ACACA: variants seen among roughly 807,000 people sequenced by gnomAD.
ACACA encodes the protein acetyl-CoA carboxylase 1.
Under a neutral mutation model 296.1 loss-of-function variants are expected in ACACA, and 103 were observed. That is an observed-to-expected ratio of 0.35 (90% confidence interval 0.30 to 0.41). The LOEUF is 0.41. ACACA is among the 10% of genes least tolerant of loss of function. ACACA has a pLI of 1.00. For synonymous variants in ACACA, 953 were observed against 1,038.6 expected (o/e 0.92, Z 1.58); for missense variants, 1,554 against 2,989.7 (o/e 0.52, Z 11.20).
intron 1 of ACACA, among the ~76,000 whole-genome samples, chr17:37,390,175 T>TATATATATATATATACAC (rs60788220): frequency 8.8e-4 from 39 of 44,480 alleles, no homozygotes; most frequent in East Asian, 1.3e-3. Flanking sequence ...TATATATATA[T>TATATATATATATATACAC]ACACACACAC....
intron 10 of ACACA, among the ~76,000 whole-genome samples, chr17:37,268,699 ATATATC>A (rs1427903995): frequency 1.4e-5 from 2 of 147,552 alleles, no homozygotes; most frequent in African/African-American, 5.0e-5. Context: ...GTAAAATGTA[ATATATC>A]TATATCTATA....
chr17:37,341,865 T>C (rs1352777055), intron 1 of ACACA, among the ~76,000 whole-genome samples: 1 of 152,032 alleles, frequency 6.6e-6, no homozygotes, highest in African/African-American at 2.4e-5. Flanking sequence ...TTGACAAAAA[T>C]GTACCCTCAT....
At chr17:37,259,561 A>G (rs1419686636) in intron 11 of ACACA, 31 bp from the exon 12 acceptor site, 1 of 1,613,094 alleles carries the variant, frequency 6.2e-7, no homozygotes, top group South Asian at 1.1e-5. Flanking sequence ...AAACATAAGT[A>G]TCTCACCTTA....
At chr17:37,153,046 GA>G (rs2144191974) in intron 43 of ACACA, among the ~76,000 whole-genome samples, 1 of 152,276 alleles carries the variant, frequency 6.6e-6, no homozygotes, top group East Asian at 1.9e-4. Flanking sequence ...AGTTATGTCA[GA>G]AATGAGGCTA....
At chr17:37,135,744 G>A (rs1472354874) in intron 45 of ACACA, among the ~76,000 whole-genome samples, 1 of 152,132 alleles carries the variant, frequency 6.6e-6, no homozygotes, top group African/African-American at 2.4e-5. Context: ...CATTTGTAAT[G>A]TAAAAGATAG....
At chr17:37,317,765 A>T (rs1452255821) in intron 3 of ACACA, among the ~76,000 whole-genome samples, 1 of 152,228 alleles carries the variant, frequency 6.6e-6, no homozygotes, top group Admixed American at 6.5e-5. Context: ...CCTTACTTAC[A>T]ACATTCATAA....
intron 3 of ACACA, among the ~76,000 whole-genome samples, chr17:37,315,722 AG>A (rs1487205931): frequency 6.6e-6 from 1 of 152,210 alleles, no homozygotes; most frequent in Admixed American, 6.5e-5. Context: ...GTATGGGGGA[AG>A]GGGCACAGAA....
chr17:37,356,387 T>C (rs1161062359), intron 1 of ACACA, among the ~76,000 whole-genome samples: 1 of 152,020 alleles, frequency 6.6e-6, no homozygotes, highest in Non-Finnish European at 1.5e-5. Flanking sequence ...ATTATTATTA[T>C]TATTTTTTTG....
At chr17:37,376,066 C>T in intron 1 of ACACA, 2 of 1,598,668 alleles carry the variant, frequency 1.3e-6, no homozygotes, top group African/African-American at 1.3e-5. Flanking sequence ...AGTGGTCTGT[C>T]TGCAATGAGC....
chr17:37,380,754 T>C (rs2050213121), intron 1 of ACACA, among the ~76,000 whole-genome samples: 1 of 152,010 alleles, frequency 6.6e-6, no homozygotes, highest in Admixed American at 6.6e-5. Flanking sequence ...TCTGCCACCA[T>C]GGCTGGCTAA....
intron 29 of ACACA, 96 bp from the exon 30 acceptor site, chr17:37,210,586 C>T (rs1567818763): frequency 3.5e-6 from 4 of 1,152,782 alleles, no homozygotes; most frequent in Non-Finnish European, 5.2e-6. Context: ...TGAGGAGCTC[C>T]AGTTTGGCAG....
intron 3 of ACACA, among the ~76,000 whole-genome samples, chr17:37,286,056 A>C (rs2082754717): frequency 6.6e-6 from 1 of 151,890 alleles, no homozygotes; most frequent in Admixed American, 6.6e-5. Flanking sequence ...CACCTGGCTA[A>C]TTTTTGTATT....
chr17:37,227,777 G>A (rs970488396), intron 25 of ACACA, among the ~76,000 whole-genome samples: 1 of 150,786 alleles, frequency 6.6e-6, no homozygotes, highest in South Asian at 2.1e-4. Flanking sequence ...GGAGAATGGC[G>A]TGAACCCGGG....
chr17:37,099,257 A>AC (rs1462166148), intron 52 of ACACA, among the ~76,000 whole-genome samples: 7 of 152,150 alleles, frequency 4.6e-5, no homozygotes, highest in East Asian at 1.9e-4. Flanking sequence ...TGGATGCCCA[A>AC]CTCTACCTCT....
chr17:37,253,039 G>A lies in ACACA; in HGVS notation c.1827-3C>T. On this transcript the variant is annotated splice_region_variant and splice_polypyrimidine_tract_variant and intron_variant, in intron 14 of 55. Coordinates refer to ENST00000616317, the MANE Select transcript of ACACA (RefSeq NM_198834.3). ...CCTTCAAAGCCACCACCATGTTTCTGGGAGAACAGAAGCCAATCTGTTTCA... is the reference window on the plus strand; with the variant it reads ...CCTTCAAAGCCACCACCATGTTTCTAGGAGAACAGAAGCCAATCTGTTTCA... 10 of 1,614,172 alleles carry A rather than the reference G, an allele frequency of 6.2e-6. No homozygotes were observed. The highest frequency in any genetic ancestry group is 8.5e-6 in the Non-Finnish European group (10 of 1,180,038).
intron 42 of ACACA, among the ~76,000 whole-genome samples, chr17:37,156,998 G>A (rs1264030849): frequency 6.6e-6 from 1 of 152,056 alleles, no homozygotes; most frequent in African/African-American, 2.4e-5. Context: ...GGAAAAACAG[G>A]AATTAACAAA....
intron 5 of ACACA, among the ~76,000 whole-genome samples, chr17:37,281,635 A>C (rs2082540099): frequency 6.6e-6 from 1 of 152,176 alleles, no homozygotes; most frequent in African/African-American, 2.4e-5. Flanking sequence ...TGGGAGGCCA[A>C]GGCAGGTGGA....
rs560736183 is a variant in ACACA at position 37,254,876 on chromosome 17, A to G, written c.1827-1840T>C. On this transcript the variant is annotated intron_variant, in intron 14 of 55. Coordinates refer to ENST00000616317, the MANE Select transcript of ACACA (RefSeq NM_198834.3). ...CGGGCACTCCATGTCAGAAAAAAAA[A>G]AAAAAGAATAAATGAATGAACAGAG... Among the ~76,000 whole-genome samples, 4 of 152,094 alleles carry G rather than the reference A, an allele frequency of 2.6e-5. No individual in the cohort carries two copies. The East Asian group carries it at 7.7e-4, about 29-fold the overall frequency.
chr17:37,331,885 T>C (rs1478704713), intron 2 of ACACA, among the ~76,000 whole-genome samples: 3 of 151,578 alleles, frequency 2.0e-5, no homozygotes, highest in African/African-American at 7.3e-5. Context: ...AAACTCCAGA[T>C]AGGTAATTTT....
Sources: allele counts gnomAD v4.1 joint callset (sites outside exome capture counted in the v4.1 genomes callset), GRCh38; gene constraint gnomAD v4.1.1; transcripts MANE v1.5; gene names NCBI Gene and HGNC (gene_info 2026-07-23, HGNC 2026-07-21).